Variants in NRXN2 observed in about 807,000 individuals in gnomAD.
NRXN2 encodes the protein neurexin-2-beta.
In NRXN2, 29 loss-of-function variants were observed where a neutral mutation model predicts 128.8. The observed-to-expected ratio is 0.23, with a 90% CI of 0.17 to 0.31. The LOEUF is 0.31. NRXN2 is among the 10% of genes least tolerant of loss of function. NRXN2 has a pLI of 1.00. For missense variants in NRXN2, 1,881 were observed against 2,452.6 expected (o/e 0.77, Z 4.92); for synonymous variants, 1,098 against 1,075.2 (o/e 1.02, Z -0.41).
intron 17 of NRXN2, chr11:64,642,813 G>A: frequency 8.9e-7 from 1 of 1,128,428 alleles, no homozygotes; most frequent in Non-Finnish European, 1.1e-6. Flanking sequence ...TTTCGGCCCG[G>A]GGGCGACCGC....
intron 2 of NRXN2, among the ~76,000 whole-genome samples, chr11:64,707,605 T>A (rs2056473393): frequency 6.6e-6 from 1 of 152,360 alleles, no homozygotes; most frequent in South Asian, 2.1e-4. Context: ...GGCACTGTTC[T>A]AAGCACTTTA....
intron 2 of NRXN2, among the ~76,000 whole-genome samples, chr11:64,711,972 C>T (rs908907615): frequency 2.0e-5 from 3 of 152,140 alleles, no homozygotes; most frequent in African/African-American, 7.2e-5. Flanking sequence ...TCACACTCAG[C>T]GTCCTCACGC....
At position 64,679,297 on chromosome 11, in the gene NRXN2, T is replaced by C. The variant is rs367878697; in HGVS notation, c.1153-2260A>G. ...AAAATAAGATTCAAAAGTTTTCAAC[T>C]TTATGAACAAGATTCCATTTTTAAG... On this transcript the variant is annotated intron_variant, in intron 6 of 22. Coordinates refer to ENST00000265459, the MANE Select transcript of NRXN2 (RefSeq NM_015080.4). Among the ~76,000 whole-genome samples the C allele has an allele frequency of 3.0e-4, 46 of 152,328 alleles. 1 individual carries two copies. The East Asian group carries it at 3.9e-3, about 13-fold the overall frequency.
chr11:64,608,120 G>GC, intron 22 of NRXN2, 38 bp from the exon 23 acceptor site: 1 of 1,503,612 alleles, frequency 6.7e-7, no homozygotes, highest in Non-Finnish European at 9.1e-7. Flanking sequence ...GAGGGCGTCA[G>GC]CGAGGGCCAG....
At chr11:64,684,556 G>A (rs2052750135) in intron 6 of NRXN2, among the ~76,000 whole-genome samples, 1 of 152,134 alleles carries the variant, frequency 6.6e-6, no homozygotes, top group African/African-American at 2.4e-5. Flanking sequence ...TTAATGAGAG[G>A]TATCCCCACT....
chr11:64,653,589 G>A (rs559197416), intron 12 of NRXN2, 107 bp downstream of exon 12: 26 of 1,139,558 alleles, frequency 2.3e-5, no homozygotes, highest in Non-Finnish European at 2.9e-5. Context: ...ACCCCCATTC[G>A]AGCCAGCAAT....
At position 64,648,446 on chromosome 11, in the gene NRXN2, G is replaced by A. The variant is rs760269797; in HGVS notation, c.3284-108C>T. ...GCAGAGAGGTCCTACTCTGAGCTCT[G>A]CCTGGCTGAAAGGGCCAAGTACTGA... is the stretch of plus-strand genomic sequence containing the variant. On this transcript the variant is annotated intron_variant, in intron 16 of 22. Transcript: ENST00000265459. The surrounding 1 kb of genome is among the most constrained non-coding windows in gnomAD (Gnocchi z 4.1). 10 of 1,562,494 alleles carry A rather than the reference G, an allele frequency of 6.4e-6. No homozygotes were observed. Among genetic ancestry groups the A allele is most frequent in the Non-Finnish European group, 7.0e-6 (8 of 1,140,596 alleles).
chr11:64,705,386 A>C (rs559642131), intron 2 of NRXN2, among the ~76,000 whole-genome samples: 10 of 152,218 alleles, frequency 6.6e-5, no homozygotes, highest in African/African-American at 2.2e-4. Flanking sequence ...ATGAGGACTA[A>C]ATGGGATAAA....
chr11:64,703,512 C>T (rs1211582063), intron 2 of NRXN2, among the ~76,000 whole-genome samples: 1 of 152,172 alleles, frequency 6.6e-6, no homozygotes, highest in African/African-American at 2.4e-5. Flanking sequence ...CAGTGGGCTA[C>T]GTGCTTAGCC....
chr11:64,661,009 T>C lies in NRXN2; in HGVS notation c.1929A>G (p.Pro643=). Residue 643 remains proline, a synonymous_variant, in exon 10 of 23, where the codon CCA becomes CCG. Coordinates refer to ENST00000265459, the MANE Select transcript of NRXN2 (RefSeq NM_015080.4). ...CCCGGAGTGCTGCTGTCCACACCTCTGGGGGCAGGGGCAGGTCCACCCGGC... is the reference window on the plus strand; with the variant it reads ...CCCGGAGTGCTGCTGTCCACACCTCCGGGGGCAGGGGCAGGTCCACCCGGC... ...EGGRVDLPLP[P]EVWTAALRAG... is the part of the protein sequence containing the mutation. 2 of 1,613,710 alleles carry C rather than the reference T, an allele frequency of 1.2e-6. No homozygotes were observed. The highest frequency in any genetic ancestry group is 2.2e-5 in the South Asian group (2 of 91,078).
intron 9 of NRXN2, among the ~76,000 whole-genome samples, chr11:64,666,498 G>A (rs746207866): frequency 3.3e-5 from 5 of 152,002 alleles, no homozygotes; most frequent in Admixed American, 6.6e-5. Context: ...CACAGCGCCC[G>A]GCCTAGTGAG....
Position 64,648,097 on chromosome 11 carries a change from G to A in NRXN2, c.3403+122C>T. 7.2e-7 allele frequency: 1 copy of A among 1,390,518 alleles called. No homozygotes were observed. Among genetic ancestry groups the A allele is most frequent in the Non-Finnish European group, 1.0e-6 (1 of 991,936 alleles). 86.1% of individuals were successfully genotyped at this position (1,390,518 alleles called of 1,614,324 possible). On this transcript the variant is annotated intron_variant, in intron 17 of 22. Coordinates refer to ENST00000265459, the MANE Select transcript of NRXN2 (RefSeq NM_015080.4). This position sits in a 1 kb window ranked among gnomAD's most constrained non-coding sequence, Gnocchi z 4.1. ...CCCTGGGACTCTGCAGACAAGGGAT[G>A]AGAAGGAAGAAGCAGCACAGCTCCT...
chr11:64,660,232 C>A lies in NRXN2; in HGVS notation c.2389+100G>T. 2 of 1,366,190 alleles carry A rather than the reference C, an allele frequency of 1.5e-6. No individual in the cohort carries two copies. The highest frequency in any genetic ancestry group is 1.4e-5 in the African/African-American group (1 of 70,186). 84.6% of individuals were successfully genotyped at this position (1,366,190 alleles called of 1,614,324 possible). On this transcript the variant is annotated intron_variant, in intron 11 of 22. Transcript: ENST00000265459. The surrounding 1 kb of genome is among the most constrained non-coding windows in gnomAD (Gnocchi z 5.2). ...CCACCTCCAAACTCTGCTGAGGGCA[C>A]CTCTTGCTGGTGCCACCACCAGCTT...
At chr11:64,715,661 A>G (rs1209986404) in intron 1 of NRXN2, among the ~76,000 whole-genome samples, 1 of 152,090 alleles carries the variant, frequency 6.6e-6, no homozygotes, top group Non-Finnish European at 1.5e-5. Flanking sequence ...CCTGCCATCC[A>G]GCTCCTGACT....
intron 17 of NRXN2, among the ~76,000 whole-genome samples, chr11:64,636,553 TA>T (rs2044752255): frequency 6.6e-6 from 1 of 152,108 alleles, no homozygotes. Flanking sequence ...ATGAGATTCA[TA>T]AAATGCTTAA....
In NRXN2 at chr11:64,651,958, C is replaced by G. The variant is rs1026403120; in HGVS notation, c.2536+77G>C. On this transcript the variant is annotated intron_variant, in intron 13 of 22. Transcript: ENST00000265459. The surrounding 1 kb of genome is among the most constrained non-coding windows in gnomAD (Gnocchi z 5.9). Reference sequence around the variant, plus strand: ...ACTGCCCTAGGAATGGCAGCCCAGGCAGTAGTCACCAAGTAGAACAGGGCC... The same window carrying G: ...ACTGCCCTAGGAATGGCAGCCCAGGGAGTAGTCACCAAGTAGAACAGGGCC... 4.4e-6 allele frequency: 7 copies of G among 1,594,286 alleles called. No homozygotes were observed. In the African/African-American group the frequency reaches 9.4e-5, roughly 21 times the overall value.
In NRXN2 at chr11:64,626,528, G is replaced by A. The variant is rs143433650; in HGVS notation, c.3782C>T (p.Ala1261Val). 3.7e-5 allele frequency: 60 copies of A among 1,613,976 alleles called. No individual in the cohort carries two copies. Among genetic ancestry groups the A allele is most frequent in the African/African-American group, 5.3e-5 (4 of 75,014 alleles). The change falls in exon 20 of 23, where the codon GCG (alanine) becomes GTG (valine). Residue 1261 changes from alanine to valine, a missense_variant. Around this residue, in one of 7 missense-constraint regions of NRXN2, gnomAD observed 390 missense variants for 599.6 expected, o/e 0.65. Coordinates refer to ENST00000265459, the MANE Select transcript of NRXN2 (RefSeq NM_015080.4). ...PAGNFDNERL[A>V]IARQRIPYRL... is the part of the protein sequence containing the mutation. ...GTAGGGGATTCTCTGTCTAGCAATCGCCAGGCGCTCGTTATCAAAGTTTCC... is the reference window on the plus strand; with the variant it reads ...GTAGGGGATTCTCTGTCTAGCAATCACCAGGCGCTCGTTATCAAAGTTTCC...
chr11:64,706,715 G>A (rs1443748515), intron 2 of NRXN2, among the ~76,000 whole-genome samples: 3 of 152,066 alleles, frequency 2.0e-5, no homozygotes, highest in Admixed American at 2.0e-4. Context: ...CCATGCCTTT[G>A]CTCATATCAG....
At chr11:64,699,462 C>T (rs1380490491) in intron 2 of NRXN2, among the ~76,000 whole-genome samples, 2 of 90,876 alleles carry the variant, frequency 2.2e-5, no homozygotes, top group African/African-American at 8.6e-5. Flanking sequence ...TGGAGTCTTG[C>T]TCTTGTTGCC....
Sources: allele counts gnomAD v4.1 joint callset (sites outside exome capture counted in the v4.1 genomes callset), GRCh38; gene constraint gnomAD v4.1.1; regional missense constraint gnomAD v4.1.1; non-coding constraint Gnocchi (gnomAD v3.1); transcripts MANE v1.5; gene names NCBI Gene and HGNC (gene_info 2026-07-23, HGNC 2026-07-21).